DPH6: variants seen among roughly 807,000 people sequenced by gnomAD.
DPH6 encodes the protein diphthamine biosynthesis 6.
In DPH6, 33 loss-of-function variants were observed where a neutral mutation model predicts 38.2. The observed-to-expected ratio is 0.86, with a 90% CI of 0.65 to 1.15. The LOEUF (loss-of-function observed/expected upper bound fraction) is 1.15, where lower values mean the gene tolerates loss of function less well. Among genes scored for constraint, DPH6 ranks in the 50% most tolerant of loss-of-function variants. DPH6 has a pLI of 0.00. For synonymous variants in DPH6, 108 were observed against 103.0 expected, an observed-to-expected ratio of 1.05 and a Z score of -0.30; for missense variants, 325 against 320.0, an observed-to-expected ratio of 1.02 and a Z score of -0.12.
In DPH6 at chr15:35,371,642, T is replaced by C; in HGVS notation, c.*508A>G. Reference sequence around the variant, plus strand: ...GAGTTAAGGACATTCTTCCTAATTGTCCAATAACGTTGAAACACTTCAACC... The same window carrying C: ...GAGTTAAGGACATTCTTCCTAATTGCCCAATAACGTTGAAACACTTCAACC... On this transcript the variant is annotated 3_prime_UTR_variant, in exon 9 of 9. Coordinates refer to ENST00000256538, the MANE Select transcript of DPH6 (RefSeq NM_080650.4). 1.0e-6 allele frequency: 1 copy of C among 984,888 alleles called. No homozygotes were observed. Among genetic ancestry groups the C allele is most frequent in the Non-Finnish European group, 1.2e-6 (1 of 829,508 alleles). The allele number at this position is 984,888 out of a possible 1,614,324, so 61.0% of individuals were successfully genotyped here. A position where few individuals can be genotyped will look rare whatever the true frequency, so the allele number is the denominator to read the frequency against.
chr15:35,411,456 A>G (rs117896800), intron 5 of DPH6, among the ~76,000 whole-genome samples: 31 of 151,838 alleles, frequency 2.0e-4, no homozygotes, highest in Non-Finnish European at 4.3e-4. Flanking sequence ...GCAACACTGT[A>G]TTTTTCAAGT....
chr15:35,402,707 A>T (rs1484142338), intron 6 of DPH6, among the ~76,000 whole-genome samples: 1 of 152,070 alleles, frequency 6.6e-6, no homozygotes, highest in African/African-American at 2.4e-5. Context: ...AATGGCTAAA[A>T]TTATTTCATG....
downstream of DPH6, among the ~76,000 whole-genome samples, chr15:35,326,309 C>A (rs1366688626): frequency 1.3e-5 from 2 of 152,026 alleles, no homozygotes; most frequent in Non-Finnish European, 2.9e-5. Context: ...AATATAACCA[C>A]CTATTAAAGC....
the DPH6 span, among the ~76,000 whole-genome samples, chr15:35,184,394 A>G: frequency 6.6e-6 from 1 of 152,200 alleles, no homozygotes; most frequent in East Asian, 1.9e-4. Flanking sequence ...AGCTTCTAAA[A>G]TAAACTCATA....
At chr15:35,164,795 A>T in the DPH6 span, among the ~76,000 whole-genome samples, 5 of 151,866 alleles carry the variant, frequency 3.3e-5, no homozygotes, top group African/African-American at 9.7e-5. Context: ...TCACTCTATA[A>T]TCATCACCTT....
At chr15:35,513,912 C>T (rs957134944) in intron 3 of DPH6, among the ~76,000 whole-genome samples, 12 of 151,912 alleles carry the variant, frequency 7.9e-5, no homozygotes, top group Non-Finnish European at 1.6e-4. Flanking sequence ...ACATTTTTCC[C>T]TTAAATTTTC....
At chr15:35,362,378 G>A (rs1024876911) in intron 3 of DPH6, among the ~76,000 whole-genome samples, 17 of 152,096 alleles carry the variant, frequency 1.1e-4, no homozygotes, top group Admixed American at 7.9e-4. Flanking sequence ...AGGAGAGACA[G>A]TAACCAGACA....
At chr15:35,476,614 A>AT (rs2054266723) in intron 3 of DPH6, among the ~76,000 whole-genome samples, 1 of 151,778 alleles carries the variant, frequency 6.6e-6, no homozygotes, top group African/African-American at 2.4e-5. Flanking sequence ...ATTATAGTCA[A>AT]TGTACAGAAG....
Position 35,221,368 on chromosome 15 carries a change from AC to A in DPH6, n.201-787del, listed in dbSNP as rs1232685024. On this transcript the variant is annotated intron_variant and non_coding_transcript_variant, in intron 3 of 3. Transcript: ENST00000560386. ...GACAGGGACTTTCTGCAGAGGCCGC[AC>A]CCCCATGGCTCCACTAAGTACTGCC... 2.6e-5 allele frequency among the ~76,000 whole-genome samples: 4 copies of A among 151,960 alleles called. No homozygotes were observed. In the East Asian group the frequency reaches 5.8e-4, roughly 22 times the overall value.
the DPH6 span, among the ~76,000 whole-genome samples, chr15:35,163,527 C>G: frequency 1.3e-5 from 2 of 151,832 alleles, no homozygotes; most frequent in Non-Finnish European, 2.9e-5. Flanking sequence ...ATAGAATAAG[C>G]TAATGCATAT....
intron 3 of DPH6, among the ~76,000 whole-genome samples, chr15:35,248,698 G>T (rs1373106427): frequency 6.6e-6 from 1 of 152,174 alleles, no homozygotes; most frequent in African/African-American, 2.4e-5. Flanking sequence ...TGTCTTTATT[G>T]TAGGGGTGTC....
At chr15:35,398,577 A>G (rs757154375) in intron 6 of DPH6, among the ~76,000 whole-genome samples, 6 of 152,178 alleles carry the variant, frequency 3.9e-5, no homozygotes, top group Non-Finnish European at 5.9e-5. Flanking sequence ...ACATTGCCCT[A>G]TGCATCTCTG....
At chr15:35,532,322 A>G (rs531431555) in intron 3 of DPH6, among the ~76,000 whole-genome samples, 1 of 152,346 alleles carries the variant, frequency 6.6e-6, no homozygotes, top group East Asian at 1.9e-4. Context: ...GACGAGGTGG[A>G]TGGAGCATAG....
At chr15:35,306,107 C>G (rs1011239008) in intron 3 of DPH6, among the ~76,000 whole-genome samples, 1 of 152,122 alleles carries the variant, frequency 6.6e-6, no homozygotes, top group African/African-American at 2.4e-5. Context: ...TAGTCTGGTG[C>G]TCTGGTATTT....
intron 6 of DPH6, among the ~76,000 whole-genome samples, chr15:35,409,176 T>G (rs1303860562): frequency 1.3e-5 from 2 of 151,552 alleles, no homozygotes; most frequent in Non-Finnish European, 2.9e-5. Flanking sequence ...GGGAAATTAG[T>G]AGGGGTGGTG....
chr15:35,446,603 T>G (rs889057793), intron 5 of DPH6, among the ~76,000 whole-genome samples: 1 of 152,202 alleles, frequency 6.6e-6, no homozygotes, highest in African/African-American at 2.4e-5. Flanking sequence ...ACATACAACA[T>G]GCAAAATGTG....
chr15:35,425,068 A>G (rs988267748), intron 5 of DPH6, among the ~76,000 whole-genome samples: 71 of 151,612 alleles, frequency 4.7e-4, no homozygotes, highest in Non-Finnish European at 5.6e-4. Flanking sequence ...TATAGTTGAG[A>G]CAGCAACCAA....
intron 3 of DPH6, among the ~76,000 whole-genome samples, chr15:35,221,543 G>C (rs1190901302): frequency 6.6e-6 from 1 of 152,176 alleles, no homozygotes; most frequent in Non-Finnish European, 1.5e-5. Context: ...GGACCATTAT[G>C]GGTCTGTATG....
intron 3 of DPH6, among the ~76,000 whole-genome samples, chr15:35,276,109 T>C (rs531692774): frequency 6.6e-6 from 1 of 152,328 alleles, no homozygotes; most frequent in Non-Finnish European, 1.5e-5. Flanking sequence ...TGCCAGCATC[T>C]ATTATTTTTC....
Sources: gnomAD v4.1 joint callset for allele counts (sites outside exome capture counted in the v4.1 genomes callset) on GRCh38, gnomAD v4.1.1 for gene constraint, MANE v1.5 for transcripts, NCBI Gene and HGNC (gene_info 2026-07-23, HGNC 2026-07-21) for gene names.